The following POLR2B variants were observed in gnomAD, a reference collection of about 807,000 sequenced individuals.
POLR2B encodes DNA-directed RNA polymerase II subunit RPB2.
POLR2B carries 57 observed loss-of-function variants against 144.6 expected under a neutral mutation model. The ratio of observed to expected loss-of-function variants is 0.39; its 90% CI spans 0.32 to 0.49. POLR2B has a LOEUF of 0.49. Ranked by LOEUF, POLR2B falls within the 20% of genes least tolerant of loss-of-function variation. The pLI, the probability that POLR2B is intolerant of heterozygous loss-of-function variation, is 0.83. For missense variants in POLR2B, 595 were observed against 1,467.4 expected (o/e 0.41, Z 9.71); for synonymous variants, 442 against 469.8 (o/e 0.94, Z 0.77).
At chr4:56,988,376 A>T (rs1043722410) in intron 2 of POLR2B, among the ~76,000 whole-genome samples, 1 of 151,888 alleles carries the variant, frequency 6.6e-6, no homozygotes, top group African/African-American at 2.4e-5. Context: ...ATTTGACAAA[A>T]AGTCTTGGCG....
Position 57,011,051 on chromosome 4 carries a change from T to C in POLR2B, c.1751T>C (p.Met584Thr), listed in dbSNP as rs781081241. ...ATACATAAAGATCCCGAACAACTTA[T>C]GAACACCCTAAGGAAATTGAGACGT... ...VGIHKDPEQLMNTLRKLRRQM... is the reference protein window; with the variant it reads ...VGIHKDPEQLTNTLRKLRRQM... The change falls in exon 13 of 25, where the codon ATG becomes ACG. Residue 584 changes from methionine to threonine, a missense_variant. By Grantham distance (81) the Met-to-Thr change is moderately conservative. Coordinates refer to ENST00000314595, the MANE Select transcript of POLR2B (RefSeq NM_000938.3). 1 of 1,614,034 alleles carries C rather than the reference T, an allele frequency of 6.2e-7. No individual in the cohort carries two copies. The highest frequency in any genetic ancestry group is 8.5e-7 in the Non-Finnish European group (1 of 1,179,878).
intron 13 of POLR2B, among the ~76,000 whole-genome samples, chr4:57,012,261 T>A (rs970044990): frequency 4.6e-5 from 7 of 151,960 alleles, no homozygotes; most frequent in African/African-American, 1.7e-4. Flanking sequence ...AAAAATCAGC[T>A]GGGCATGGTA....
At chr4:57,019,758 T>A (rs968582780) in intron 16 of POLR2B, among the ~76,000 whole-genome samples, 3 of 96,548 alleles carry the variant, frequency 3.1e-5, no homozygotes, top group African/African-American at 1.2e-4. Context: ...CCTAATGATG[T>A]CTTTTTTTTT....
chr4:56,980,804 CCA>C (rs1207285200), intron 1 of POLR2B, among the ~76,000 whole-genome samples: 2 of 151,882 alleles, frequency 1.3e-5, no homozygotes, highest in African/African-American at 4.8e-5. Context: ...TCTTATCACT[CCA>C]CAGTTTCTTT....
chr4:57,015,863 A>G (rs1339592801), intron 14 of POLR2B, among the ~76,000 whole-genome samples: 1 of 151,832 alleles, frequency 6.6e-6, no homozygotes, highest in Admixed American at 6.6e-5. Flanking sequence ...GGTTCAAGCA[A>G]TTCTCCTGCC....
chr4:57,016,414 G>A (rs1029199467), intron 14 of POLR2B, among the ~76,000 whole-genome samples: 6 of 151,832 alleles, frequency 4.0e-5, no homozygotes, highest in Non-Finnish European at 7.4e-5. Context: ...CAAGTGTGGT[G>A]GAATGCACCT....
At chr4:57,024,585 T>A (rs1723656245) in intron 21 of POLR2B, among the ~76,000 whole-genome samples, 1 of 152,174 alleles carries the variant, frequency 6.6e-6, no homozygotes, top group Non-Finnish European at 1.5e-5. Context: ...GGAGTCTCAC[T>A]CTTTTTGTAC....
chr4:57,025,136 A>G (rs940407446), intron 22 of POLR2B, 137 bp downstream of exon 22: 7 of 623,338 alleles, frequency 1.1e-5, no homozygotes, highest in South Asian at 6.3e-5. Flanking sequence ...GAATTTTCAC[A>G]AAGTAAACAC....
At chr4:56,999,158 T>A (rs1014835496) in intron 6 of POLR2B, among the ~76,000 whole-genome samples, 2 of 152,052 alleles carry the variant, frequency 1.3e-5, no homozygotes, top group Non-Finnish European at 2.9e-5. Flanking sequence ...GATTTAATAT[T>A]TATTTTTTAT....
At chr4:56,980,208 G>A (rs1427680012) in intron 1 of POLR2B, among the ~76,000 whole-genome samples, 5 of 151,366 alleles carry the variant, frequency 3.3e-5, no homozygotes, top group Non-Finnish European at 7.4e-5. Flanking sequence ...TTACAAGCAT[G>A]AGCCAATGTG....
At chr4:57,020,534 C>G (rs1483576880) in intron 16 of POLR2B, among the ~76,000 whole-genome samples, 3 of 152,116 alleles carry the variant, frequency 2.0e-5, no homozygotes, top group Non-Finnish European at 4.4e-5. Context: ...TATTAATTCA[C>G]TCCTCTGATT....
chr4:56,986,616 C>T (rs928978972), intron 2 of POLR2B, 190 bp downstream of exon 2: 9 of 434,046 alleles, frequency 2.1e-5, no homozygotes, highest in African/African-American at 4.1e-5. Context: ...AACCAGATTC[C>T]GAAAATGTTA....
rs752088176 is a variant in POLR2B at position 57,022,133 on chromosome 4, T to C, written c.2421-19T>C. 6.9e-6 allele frequency: 10 copies of C among 1,451,674 alleles called. No homozygotes were observed. Among genetic ancestry groups the C allele is most frequent in the Non-Finnish European group, 9.6e-6 (10 of 1,038,674 alleles). 89.9% of individuals were successfully genotyped at this position (1,451,674 alleles called of 1,614,324 possible). ...GTTAAAAGAAAATAGACTTTACCTT[T>C]AGAACCATGTGTTTTTAGGTCTGTT... On this transcript the variant is annotated intron_variant, in intron 17 of 24. Transcript: ENST00000314595.
chr4:56,995,537 C>T, intron 6 of POLR2B, 128 bp downstream of exon 6: 1 of 559,332 alleles, frequency 1.8e-6, no homozygotes, highest in African/African-American at 1.9e-5. Context: ...TATTGTTTAC[C>T]TATCGCTGTG....
intron 2 of POLR2B, 100 bp from the exon 3 acceptor site, chr4:56,990,648 C>T: frequency 9.8e-7 from 1 of 1,019,678 alleles, no homozygotes; most frequent in Non-Finnish European, 1.5e-6. Context: ...TATTTTATGA[C>T]TGTTTCTTGA....
chr4:57,011,201 T>C (rs778676491), intron 13 of POLR2B, 101 bp downstream of exon 13: 10 of 777,594 alleles, frequency 1.3e-5, no homozygotes, highest in Non-Finnish European at 2.2e-5. Context: ...CTTTGAACTT[T>C]ATTCCCTTGA....
chr4:56,990,990 T>G, intron 3 of POLR2B, 92 bp downstream of exon 3: 1 of 1,054,168 alleles, frequency 9.5e-7, no homozygotes, highest in Middle Eastern at 2.1e-4. Flanking sequence ...TTAAAAAAAG[T>G]CAGTTGGAGC....
chr4:57,011,251 C>T (rs569669452), intron 13 of POLR2B, 151 bp downstream of exon 13: 34 of 634,710 alleles, frequency 5.4e-5, no homozygotes, highest in East Asian at 4.1e-4. Flanking sequence ...ATTGCTAGGC[C>T]GGGTGCAGTG....
chr4:57,023,798 A>AT lies in POLR2B; in HGVS notation c.2856+57dup, dbSNP rs569147325. 2,151 of 1,213,696 alleles carry AT rather than the reference A, an allele frequency of 1.8e-3. No homozygotes were observed. Among genetic ancestry groups the AT allele is most frequent in the Non-Finnish European group, 2.1e-3 (1,842 of 867,244 alleles). The allele number at this position is 1,213,696 out of a possible 1,614,324, so 75.2% of individuals were successfully genotyped here. A position where few individuals can be genotyped will look rare whatever the true frequency, so the allele number is the denominator to read the frequency against. ...CATGCCCAAACCAGTTTTGTTAAATATTTTTTTTTTAATCAAAATTTGCTT... is the reference window on the plus strand; with the variant it reads ...CATGCCCAAACCAGTTTTGTTAAATATTTTTTTTTTTAATCAAAATTTGCTT... On this transcript the variant is annotated intron_variant, in intron 20 of 24. Coordinates refer to ENST00000314595, the MANE Select transcript of POLR2B (RefSeq NM_000938.3). The surrounding 1 kb of genome is among the most constrained non-coding windows in gnomAD (Gnocchi z 4.3).
Sources: gnomAD v4.1 joint callset for allele counts (sites outside exome capture counted in the v4.1 genomes callset) on GRCh38, gnomAD v4.1.1 for gene constraint, Gnocchi (gnomAD v3.1) non-coding constraint, MANE v1.5 for transcripts, NCBI Gene and HGNC (gene_info 2026-07-23, HGNC 2026-07-21) for gene names.